Variants in FAM110B observed in about 807,000 individuals in gnomAD.
FAM110B encodes protein FAM110B.
Under a neutral mutation model 20.4 loss-of-function variants are expected in FAM110B, and 6 were observed. That is an observed-to-expected ratio of 0.29 (90% CI 0.16 to 0.58). The LOEUF (loss-of-function observed/expected upper bound fraction) is 0.58, where lower values mean the gene tolerates loss of function less well. Ranked by LOEUF, FAM110B falls within the 20% of genes least tolerant of loss-of-function variation. FAM110B has a pLI of 0.90. For missense variants in FAM110B, 434 were observed against 498.2 expected (o/e 0.87, Z 1.23); for synonymous variants, 226 against 214.1 (o/e 1.06, Z -0.49).
At chr8:58,058,844 C>T (rs1301662594) in intron 2 of FAM110B, among the ~76,000 whole-genome samples, 1 of 152,104 alleles carries the variant, frequency 6.6e-6, no homozygotes, top group Non-Finnish European at 1.5e-5. Context: ...ATTTGTCAAT[C>T]TTAAGTGTAC....
chr8:58,006,921 A>ATTT lies in FAM110B; in HGVS notation c.-512+12116_-512+12117insTTT, dbSNP rs142497701. On this transcript the variant is annotated intron_variant, in intron 1 of 3. Coordinates refer to ENST00000519262, the MANE Select transcript of FAM110B (RefSeq NM_001377989.1). ...AATTGGTATATATATATATATATAT[A>ATTT]TATTTTTCCAAAACCAGAGTTTGCA... is the stretch of plus-strand genomic sequence containing the variant. Among the ~76,000 whole-genome samples the ATTT allele has an allele frequency of 2.1e-4, 25 of 119,652 alleles. 1 individual carries two copies. The highest frequency in any genetic ancestry group is 2.3e-4 in the African/African-American group (7 of 30,048). 78.5% of individuals were successfully genotyped at this position (119,652 alleles called of 152,430 possible).
rs1429704628 is a variant in FAM110B at position 58,146,322 on chromosome 8, A to G, written c.92A>G (p.Asn31Ser). The G allele has an allele frequency of 2.5e-6, 4 of 1,613,990 alleles. No homozygotes were observed. The highest frequency in any genetic ancestry group is 3.4e-6 in the Non-Finnish European group (4 of 1,179,982). ...TCTGCTGTGCCCCTGCGCATCCTGA[A>G]CAAGGGGCCAGACTACTTCCGCAGG... ...FTSAVPLRIL[N>S]KGPDYFRRQA... Residue 31 changes from asparagine to serine, a missense_variant, in exon 4 of 4, where the codon AAC becomes AGC. By Grantham distance (46) the Asn-to-Ser change is conservative. This residue lies in a region of FAM110B where 56 missense variants were observed against 82.1 expected (regional missense o/e 0.68). Coordinates refer to ENST00000519262, the MANE Select transcript of FAM110B (RefSeq NM_001377989.1).
intron 2 of FAM110B, among the ~76,000 whole-genome samples, chr8:58,046,391 A>G (rs1451247308): frequency 6.6e-6 from 1 of 152,166 alleles, no homozygotes; most frequent in African/African-American, 2.4e-5. Flanking sequence ...AAGAGTGCCC[A>G]TTTCACAGAT....
intron 1 of FAM110B, among the ~76,000 whole-genome samples, chr8:58,005,146 A>G (rs185957508): frequency 4.7e-4 from 71 of 152,258 alleles, no homozygotes; most frequent in African/African-American, 1.6e-3. Context: ...TCTTCCCTTC[A>G]CTTTAACACT....
At chr8:58,145,484 G>C (rs565654044) in intron 3 of FAM110B, among the ~76,000 whole-genome samples, 2 of 152,106 alleles carry the variant, frequency 1.3e-5, no homozygotes, top group African/African-American at 2.4e-5. Context: ...CGTTGCAACC[G>C]GGGGGCATGG....
chr8:58,100,038 G>A (rs111402977), intron 3 of FAM110B, among the ~76,000 whole-genome samples: 1 of 152,102 alleles, frequency 6.6e-6, no homozygotes, highest in Non-Finnish European at 1.5e-5. Context: ...TCTCAGTACT[G>A]TCTGGCCAGA....
chr8:58,038,850 G>A (rs140733693), intron 2 of FAM110B, among the ~76,000 whole-genome samples: 1,589 of 152,190 alleles, frequency 0.01, 14 homozygotes, highest in Middle Eastern at 0.024. Context: ...ACTTCATCCC[G>A]GACCCAGAGA....
intron 3 of FAM110B, among the ~76,000 whole-genome samples, chr8:58,136,579 A>G (rs1297771943): frequency 6.6e-6 from 1 of 152,170 alleles, no homozygotes; most frequent in Non-Finnish European, 1.5e-5. Context: ...AGTAATTTTC[A>G]TCAAGCAAGT....
chr8:58,050,765 GTGCCACATACC>G (rs544984290), intron 2 of FAM110B, among the ~76,000 whole-genome samples: 132 of 152,254 alleles, frequency 8.7e-4, no homozygotes, highest in African/African-American at 3.0e-3. Flanking sequence ...TGAGGTCACT[GTGCCACATACC>G]TGCCAATCAC....
chr8:58,054,431 T>C (rs145280495), intron 2 of FAM110B, among the ~76,000 whole-genome samples: 258 of 152,348 alleles, frequency 1.7e-3, no homozygotes, highest in African/African-American at 5.7e-3. Context: ...AGAATATTTC[T>C]ATACTTCTCC....
chr8:58,133,932 A>G (rs10109756), intron 3 of FAM110B, among the ~76,000 whole-genome samples: 3,932 of 152,328 alleles, frequency 0.026, 75 homozygotes, highest in South Asian at 0.092. Flanking sequence ...GAACCCAAAA[A>G]TATATTTCAA....
intron 3 of FAM110B, among the ~76,000 whole-genome samples, chr8:58,104,711 G>A (rs1323643663): frequency 6.6e-6 from 1 of 152,106 alleles, no homozygotes; most frequent in African/African-American, 2.4e-5. Context: ...TTGAAATCGT[G>A]TTTTTATATA....
At chr8:58,081,063 C>T (rs1421015296) in intron 3 of FAM110B, among the ~76,000 whole-genome samples, 2 of 152,188 alleles carry the variant, frequency 1.3e-5, no homozygotes, top group Admixed American at 1.3e-4. Flanking sequence ...GTGTTGAGCC[C>T]TGCTGACTCC....
At chr8:58,089,318 G>T (rs1163465263) in intron 3 of FAM110B, among the ~76,000 whole-genome samples, 2 of 152,152 alleles carry the variant, frequency 1.3e-5, no homozygotes, top group African/African-American at 4.8e-5. Context: ...CTATTTCACT[G>T]CTGCTTTCCC....
At chr8:58,105,383 C>A (rs949390324) in intron 3 of FAM110B, among the ~76,000 whole-genome samples, 4 of 151,836 alleles carry the variant, frequency 2.6e-5, no homozygotes, top group African/African-American at 9.7e-5. Context: ...ATTTTTATTG[C>A]ATTTAAAAGG....
intron 1 of FAM110B, among the ~76,000 whole-genome samples, chr8:58,026,371 A>G (rs1208376634): frequency 2.0e-5 from 3 of 151,838 alleles, no homozygotes; most frequent in African/African-American, 7.3e-5. Flanking sequence ...CATCTAGTAT[A>G]GTGACTAACA....
intron 3 of FAM110B, among the ~76,000 whole-genome samples, chr8:58,101,710 A>G (rs1806784607): frequency 6.6e-6 from 1 of 152,024 alleles, no homozygotes; most frequent in South Asian, 2.1e-4. Flanking sequence ...TCTTGATGGT[A>G]CTCTGCTGCA....
At chr8:58,139,019 T>C (rs1314764211) in intron 3 of FAM110B, among the ~76,000 whole-genome samples, 3 of 152,178 alleles carry the variant, frequency 2.0e-5, no homozygotes, top group African/African-American at 4.8e-5. Context: ...GCTGAAAAAG[T>C]GGAGAAATGA....
At chr8:58,064,536 G>A (rs749168179) in intron 2 of FAM110B, among the ~76,000 whole-genome samples, 2 of 152,088 alleles carry the variant, frequency 1.3e-5, no homozygotes, top group Non-Finnish European at 2.9e-5. Context: ...AGGGCATGAG[G>A]CATGTATTTA....
Sources: gnomAD v4.1 joint callset for allele counts (sites outside exome capture counted in the v4.1 genomes callset) on GRCh38, gnomAD v4.1.1 for gene constraint, gnomAD v4.1.1 regional missense constraint, MANE v1.5 for transcripts, NCBI Gene and HGNC (gene_info 2026-07-23, HGNC 2026-07-21) for gene names.